CYB561D2: variants seen among roughly 807,000 people sequenced by gnomAD.
CYB561D2 encodes transmembrane reductase CYB561D2.
In CYB561D2, 16 loss-of-function variants were observed where a neutral mutation model predicts 20.2. The ratio of observed to expected loss-of-function variants is 0.79; its 90% CI spans 0.53 to 1.20. The LOEUF (loss-of-function observed/expected upper bound fraction) is 1.20. Among genes scored for constraint, CYB561D2 ranks in the 50% most tolerant of loss-of-function variants. The pLI is 0.00. For synonymous variants in CYB561D2, 135 were observed against 128.3 expected, an observed-to-expected ratio of 1.05 and a Z score of -0.35; for missense variants, 247 against 270.3, an observed-to-expected ratio of 0.91 and a Z score of 0.60.
chr3:50,350,998 G>C lies in CYB561D2; in HGVS notation c.-26+14G>C, dbSNP rs781749804. On this transcript the variant is annotated intron_variant, in intron 1 of 3. Coordinates refer to ENST00000425346, the MANE Select transcript of CYB561D2 (RefSeq NM_001291284.2). This position sits in a 1 kb window ranked among gnomAD's most constrained non-coding sequence, Gnocchi z 5.7. ...CGGCAGAGGCAGGCAAGTCCCTAGC[G>C]TGGAGGGGCAGCATGCTGGCAGCAC... The C allele has an allele frequency of 1.2e-5, 12 of 980,368 alleles. No homozygotes were observed. Among genetic ancestry groups the C allele is most frequent in the Non-Finnish European group, 1.6e-5 (12 of 738,336 alleles). The allele number at this position is 980,368 out of a possible 1,614,324, so 60.7% of individuals were successfully genotyped here.
chr3:50,353,613 T>G lies in CYB561D2; in HGVS notation c.538T>G (p.Ser180Ala). Reference sequence around the variant, plus strand: ...TGCCAGCCTCTTGCTGGGCATGTGCTCACTCTGGTTCACTGCCTCTGTCAC... The same window carrying G: ...TGCCAGCCTCTTGCTGGGCATGTGCGCACTCTGGTTCACTGCCTCTGTCAC... The part of the protein sequence containing the change: ...GSASLLLGMC[S>A]LWFTASVTGA... Residue 180 changes from serine to alanine, a missense_variant, in exon 4 of 4, where the codon TCA (serine) becomes GCA (alanine). Coordinates refer to ENST00000425346, the MANE Select transcript of CYB561D2 (RefSeq NM_001291284.2). 2.5e-6 allele frequency: 4 copies of G among 1,613,722 alleles called. No individual in the cohort carries two copies. Among genetic ancestry groups the G allele is most frequent in the Non-Finnish European group, 2.5e-6 (3 of 1,180,022 alleles).
At position 50,350,875 on chromosome 3, in the gene CYB561D2, G is replaced by A. The variant is rs1323686858; in HGVS notation, c.-135G>A. 5.0e-6 allele frequency: 7 copies of A among 1,404,468 alleles called. No homozygotes were observed. The highest frequency in any genetic ancestry group is 1.5e-5 in the African/African-American group (1 of 68,754). The allele number at this position is 1,404,468 out of a possible 1,614,324, so 87.0% of individuals were successfully genotyped here. Reference sequence around the variant, plus strand: ...TCCTGGGTGGGTAGACGTCGCACCCGGAAGTAAAGCGGCTCCGTGACGGAG... The same window carrying A: ...TCCTGGGTGGGTAGACGTCGCACCCAGAAGTAAAGCGGCTCCGTGACGGAG... On this transcript the variant is annotated 5_prime_UTR_variant, in exon 1 of 4. Transcript: ENST00000425346. The surrounding 1 kb of genome is among the most constrained non-coding windows in gnomAD (Gnocchi z 5.7).
At position 50,353,621 on chromosome 3, in the gene CYB561D2, G is replaced by A. The variant is rs1418788009; in HGVS notation, c.546G>A (p.Trp182Ter). Residue 182 changes from tryptophan (W) to a stop codon, truncating the protein, a stop_gained, in exon 4 of 4, where the codon TGG becomes TGA. Coordinates refer to ENST00000425346, the MANE Select transcript of CYB561D2 (RefSeq NM_001291284.2). LOFTEE classifies it high-confidence loss of function. ...ASLLLGMCSL[W>*]FTASVTGAAW... ...TCTTGCTGGGCATGTGCTCACTCTG[G>A]TTCACTGCCTCTGTCACTGGTGCAG... is the stretch of plus-strand genomic sequence containing the variant. 6.2e-7 allele frequency: 1 copy of A among 1,613,744 alleles called. No individual in the cohort carries two copies. Among genetic ancestry groups the A allele is most frequent in the Non-Finnish European group, 8.5e-7 (1 of 1,180,038 alleles).
chr3:50,353,257 C>A lies in CYB561D2; in HGVS notation c.182C>A (p.Thr61Asn). The A allele has an allele frequency of 2.6e-6, 4 of 1,566,404 alleles. No homozygotes were observed. The highest frequency in any genetic ancestry group is 3.5e-6 in the Non-Finnish European group (4 of 1,149,686). The stretch of plus-strand genomic sequence containing the variant: ...TTTCCTCAGTTCTCCTTCCTGATGA[C>A]CGAGGCACTACTGGTGTTTTCTCCT... The part of the protein sequence containing the change: ...LMSLAFSFLM[T>N]EALLVFSPES... Residue 61 changes from threonine (T) to asparagine (N), a missense_variant, in exon 4 of 4, where the codon ACC becomes AAC. Transcript: ENST00000425346.
chr3:50,353,484 G>A lies in CYB561D2; in HGVS notation c.409G>A (p.Gly137Ser). Residue 137 changes from glycine to serine, a missense_variant, in exon 4 of 4, where the codon GGT becomes AGT. Coordinates refer to ENST00000425346, the MANE Select transcript of CYB561D2 (RefSeq NM_001291284.2). ...GCTGTGGGCAGGGCTGCAGTGCTCA[G>A]GTGGGGTGGGGCTGCTCTACCCCAA... ...AVLWAGLQCSGGVGLLYPKLL... is the reference protein window; with the variant it reads ...AVLWAGLQCSSGVGLLYPKLL... 1 of 1,613,156 alleles carries A rather than the reference G, an allele frequency of 6.2e-7. No homozygotes were observed. Among genetic ancestry groups the A allele is most frequent in the South Asian group, 1.1e-5 (1 of 91,080 alleles).
Position 50,353,952 on chromosome 3 carries a change from G to A in CYB561D2, c.*208G>A. 1.7e-6 allele frequency: 1 copy of A among 587,322 alleles called. No individual in the cohort carries two copies. The highest frequency in any genetic ancestry group is 2.9e-6 in the Non-Finnish European group (1 of 339,972). The allele number at this position is 587,322 out of a possible 1,614,324, so 36.4% of individuals were successfully genotyped here. A position where few individuals can be genotyped will look rare whatever the true frequency, so the allele number is the denominator to read the frequency against. ...TCTCTGTCATCCCAGAGGAACATAG[G>A]CATCATGTGTCTGGATGAAGCTGGG... On this transcript the variant is annotated 3_prime_UTR_variant, in exon 4 of 4. Coordinates refer to ENST00000425346, the MANE Select transcript of CYB561D2 (RefSeq NM_001291284.2).
At position 50,352,026 on chromosome 3, in the gene CYB561D2, C is replaced by A. The variant is rs1703777832; in HGVS notation, c.145C>A (p.Pro49Thr). The A allele has an allele frequency of 6.2e-7, 1 of 1,613,798 alleles. No homozygotes were observed. The highest frequency in any genetic ancestry group is 1.7e-5 in the Admixed American group (1 of 59,980). The change falls in exon 3 of 4, where the codon CCG becomes ACG. Residue 49 changes from proline to threonine, a missense_variant. Physicochemically the swap from Pro to Thr is conservative, Grantham distance 38. Coordinates refer to ENST00000425346, the MANE Select transcript of CYB561D2 (RefSeq NM_001291284.2). ...CATTCCAGGCCTGTTCTCCTGGCAC[C>A]CGGTGCTTATGTCTTTGGCTGTAAG... ...RPGSSLFSWH[P>T]VLMSLAFSFL...
At chr3:50,352,147 A>T in intron 3 of CYB561D2, 101 bp downstream of exon 3, 1 of 1,404,056 alleles carries the variant, frequency 7.1e-7, no homozygotes. Flanking sequence ...ATCTGTTTGG[A>T]AGAGTTGCAT....
rs776177904 is a variant in CYB561D2 at position 50,353,731 on chromosome 3, G to A, written c.656G>A (p.Arg219Lys). 1 of 1,599,744 alleles carries A rather than the reference G, an allele frequency of 6.3e-7. No individual in the cohort carries two copies. The highest frequency in any genetic ancestry group is 1.3e-5 in the African/African-American group (1 of 74,764). ...QVSNAYLYRK[R>K]IQP ...AGCAATGCCTACCTATACCGCAAGA[G>A]GATCCAACCATGAGCTCTTCCCAGC... Residue 219 changes from arginine to lysine, a missense_variant, in exon 4 of 4, where the codon AGG (arginine) becomes AAG (lysine). Transcript: ENST00000425346.
At position 50,353,680 on chromosome 3, in the gene CYB561D2, C is replaced by G; in HGVS notation, c.605C>G (p.Thr202Ser). 1.2e-6 allele frequency: 2 copies of G among 1,613,328 alleles called. No individual in the cohort carries two copies. The highest frequency in any genetic ancestry group is 2.2e-5 in the South Asian group (2 of 91,084). ...CTGGCTGTATTATGCCCTGTCCTCACCAGCTTGGTCATTATGAACCAGGTG... is the reference window on the plus strand; with the variant it reads ...CTGGCTGTATTATGCCCTGTCCTCAGCAGCTTGGTCATTATGAACCAGGTG... Reference protein sequence around the residue: ...WYLAVLCPVLTSLVIMNQVSN... With the variant: ...WYLAVLCPVLSSLVIMNQVSN... Residue 202 changes from threonine (T) to serine (S), a missense_variant, in exon 4 of 4, where the codon ACC (threonine) becomes AGC (serine). Coordinates refer to ENST00000425346, the MANE Select transcript of CYB561D2 (RefSeq NM_001291284.2).
chr3:50,353,984 A>G lies in CYB561D2; in HGVS notation c.*240A>G. 1 of 526,010 alleles carries G rather than the reference A, an allele frequency of 1.9e-6. No individual in the cohort carries two copies. Among genetic ancestry groups the G allele is most frequent in the East Asian group, 3.0e-5 (1 of 33,382 alleles). The allele number at this position is 526,010 out of a possible 1,614,324, so 32.6% of individuals were successfully genotyped here. ...GTGTCTGGATGAAGCTGGGGCTGCAAGACTGCCTCTCCTGCAAGGCAGCTC... is the reference window on the plus strand; with the variant it reads ...GTGTCTGGATGAAGCTGGGGCTGCAGGACTGCCTCTCCTGCAAGGCAGCTC... On this transcript the variant is annotated 3_prime_UTR_variant, in exon 4 of 4. Transcript: ENST00000425346.
chr3:50,352,180 G>T, intron 3 of CYB561D2, 134 bp downstream of exon 3: 2 of 1,112,822 alleles, frequency 1.8e-6, no homozygotes, highest in East Asian at 5.3e-5. Context: ...CCTGCCCATG[G>T]TATATATTTC....
chr3:50,353,888 T>A lies in CYB561D2; in HGVS notation c.*144T>A. The stretch of plus-strand genomic sequence containing the variant: ...ATTTGGAGGCCCGTGTGTGAATTCC[T>A]GCTCCTCATGCTGGAGTGCCTCCCA... On this transcript the variant is annotated 3_prime_UTR_variant, in exon 4 of 4. Transcript: ENST00000425346. 5.6e-6 allele frequency: 5 copies of A among 891,148 alleles called. No homozygotes were observed. Among genetic ancestry groups the A allele is most frequent in the Non-Finnish European group, 8.4e-6 (5 of 596,648 alleles). 55.2% of individuals were successfully genotyped at this position (891,148 alleles called of 1,614,324 possible). A position where few individuals can be genotyped will look rare whatever the true frequency, so the allele number is the denominator to read the frequency against.
intron 2 of CYB561D2, 146 bp downstream of exon 2, chr3:50,351,706 C>T: frequency 8.2e-7 from 1 of 1,218,916 alleles, no homozygotes; most frequent in Non-Finnish European, 1.1e-6. Flanking sequence ...GTAGGTATGG[C>T]CAGGGCACAC....
At position 50,350,900 on chromosome 3, in the gene CYB561D2, G is replaced by T; in HGVS notation, c.-110G>T. ...GGAAGTAAAGCGGCTCCGTGACGGA[G>T]CGGCGGTGCGCGCGGCAGGGCCCGG... On this transcript the variant is annotated 5_prime_UTR_variant, in exon 1 of 4. Coordinates refer to ENST00000425346, the MANE Select transcript of CYB561D2 (RefSeq NM_001291284.2). The surrounding 1 kb of genome is among the most constrained non-coding windows in gnomAD (Gnocchi z 5.7). 9.3e-6 allele frequency: 13 copies of T among 1,397,190 alleles called. No homozygotes were observed. Among genetic ancestry groups the T allele is most frequent in the Non-Finnish European group, 1.2e-5 (13 of 1,081,146 alleles). 86.5% of individuals were successfully genotyped at this position (1,397,190 alleles called of 1,614,324 possible). A position where few individuals can be genotyped will look rare whatever the true frequency, so the allele number is the denominator to read the frequency against.
Position 50,353,526 on chromosome 3 carries a change from C to A in CYB561D2, c.451C>A (p.Pro151Thr), listed in dbSNP as rs1451196590. The change falls in exon 4 of 4, where the codon CCC becomes ACC. Residue 151 changes from proline to threonine, a missense_variant. Transcript: ENST00000425346. ...CTACCCCAAGCTGCTGCCCCGATGG[C>A]CCCTGGCGAAGCTCAAGCTATACCA... ...LLYPKLLPRWPLAKLKLYHAT... is the reference protein window; with the variant it reads ...LLYPKLLPRWTLAKLKLYHAT... 10 of 1,613,522 alleles carry A rather than the reference C, an allele frequency of 6.2e-6. No individual in the cohort carries two copies. In the Admixed American group the frequency reaches 1.5e-4, roughly 24 times the overall value.
chr3:50,352,020 T>C lies in CYB561D2; in HGVS notation c.139T>C (p.Trp47Arg). The C allele has an allele frequency of 1.9e-6, 3 of 1,613,972 alleles. No homozygotes were observed. Among genetic ancestry groups the C allele is most frequent in the Non-Finnish European group, 2.5e-6 (3 of 1,179,950 alleles). The part of the protein sequence containing the change: ...LARPGSSLFS[W>R]HPVLMSLAFS... ...TCTTCTCATTCCAGGCCTGTTCTCCTGGCACCCGGTGCTTATGTCTTTGGC... is the reference window on the plus strand; with the variant it reads ...TCTTCTCATTCCAGGCCTGTTCTCCCGGCACCCGGTGCTTATGTCTTTGGC... The change falls in exon 3 of 4, where the codon TGG becomes CGG. Residue 47 changes from tryptophan (W) to arginine (R), a missense_variant. Transcript: ENST00000425346.
At position 50,353,381 on chromosome 3, in the gene CYB561D2, C is replaced by T; in HGVS notation, c.306C>T (p.Gly102=). ...TGCTGTGTGCACTGCTGGGCCTCGG[C>T]CTTGTCATCCTCCACAAAGAGCAGC... The part of the protein sequence containing the change: ...LALLCALLGL[G]LVILHKEQLG... Residue 102 remains glycine (G), a synonymous_variant, in exon 4 of 4, where the codon GGC becomes GGT. Transcript: ENST00000425346. The T allele has an allele frequency of 1.9e-6, 3 of 1,613,454 alleles. No individual in the cohort carries two copies. Among genetic ancestry groups the T allele is most frequent in the Non-Finnish European group, 2.5e-6 (3 of 1,180,018 alleles).
Position 50,353,739 on chromosome 3 carries a change from C to G in CYB561D2, c.664C>G (p.Pro222Ala). 6.3e-7 allele frequency: 1 copy of G among 1,592,216 alleles called. No homozygotes were observed. ...NAYLYRKRIQ[P>A] ...CTACCTATACCGCAAGAGGATCCAA[C>G]CATGAGCTCTTCCCAGCCTAGGGGA... The change falls in exon 4 of 4, where the codon CCA becomes GCA. Residue 222 changes from proline (P) to alanine (A), a missense_variant. By Grantham distance (27) the Pro-to-Ala change is conservative. Transcript: ENST00000425346.
Sources: allele counts gnomAD v4.1 joint callset, GRCh38; gene constraint gnomAD v4.1.1; non-coding constraint Gnocchi (gnomAD v3.1); transcripts MANE v1.5; gene names NCBI Gene and HGNC (gene_info 2026-07-23, HGNC 2026-07-21).